TENM2: variants seen among roughly 807,000 people sequenced by gnomAD.
The protein encoded by TENM2 is teneurin transmembrane protein 2.
A neutral mutation model predicts 245.2 loss-of-function variants in TENM2; 52 were observed. The observed-to-expected ratio is 0.21, with a 90% CI of 0.17 to 0.27. The LOEUF (loss-of-function observed/expected upper bound fraction) is 0.27, where lower values mean the gene tolerates loss of function less well. Among genes scored for constraint, TENM2 ranks in the 10% least tolerant of loss-of-function variants. The pLI is 1.00. For synonymous variants in TENM2, 1,363 were observed against 1,438.9 expected (o/e 0.95, Z 1.19); for missense variants, 3,046 against 3,666.8 (o/e 0.83, Z 4.37).
intron 11 of TENM2, 67 bp from the exon 14 acceptor site, chr5:168,126,687 T>G: frequency 7.4e-7 from 1 of 1,356,766 alleles, no homozygotes; most frequent in Non-Finnish European, 1.0e-6. Flanking sequence ...GCCATGTGCG[T>G]GGTCTGGACT....
At position 167,385,856 on chromosome 5, in the gene TENM2, A is replaced by ATGTGTGTGTGTG. The variant is rs60407919; in HGVS notation, c.502+10417_502+10428dup. ...CTGAGTAGTATTCCATTATATATAT[A>ATGTGTGTGTGTG]TGTGTGTGTGTGTGTGTGTGTGTGT... On this transcript the variant is annotated intron_variant, in intron 2 of 28. Coordinates refer to ENST00000518659, the Ensembl canonical transcript of TENM2. 3.6e-5 allele frequency among the ~76,000 whole-genome samples: 5 copies of ATGTGTGTGTGTG among 139,148 alleles called. No individual in the cohort carries two copies. The South Asian group carries it at 7.3e-4, about 20-fold the overall frequency. The allele number at this position is 139,148 out of a possible 152,430, so 91.3% of individuals were successfully genotyped here.
intron 2 of TENM2, among the ~76,000 whole-genome samples, chr5:167,380,155 C>T (rs1344493712): frequency 1.3e-5 from 2 of 152,062 alleles, no homozygotes; most frequent in Non-Finnish European, 2.9e-5. Context: ...ATCTCCTTTA[C>T]ATTTTTCTAA....
chr5:167,071,596 T>C, the TENM2 span, among the ~76,000 whole-genome samples: 1 of 152,222 alleles, frequency 6.6e-6, no homozygotes, highest in Non-Finnish European at 1.5e-5. Context: ...CATTCTCATA[T>C]AATCATATAC....
chr5:167,088,714 T>C, the TENM2 span, among the ~76,000 whole-genome samples: 2 of 152,196 alleles, frequency 1.3e-5, no homozygotes, highest in African/African-American at 4.8e-5. Flanking sequence ...GAAAAGTAGC[T>C]AATACCAATA....
intron 2 of TENM2, among the ~76,000 whole-genome samples, chr5:167,723,048 A>T (rs1759742900): frequency 6.6e-6 from 1 of 152,284 alleles, no homozygotes; most frequent in Admixed American, 6.5e-5. Context: ...GTCTGTCATT[A>T]AATACACCTG....
the TENM2 span, among the ~76,000 whole-genome samples, chr5:167,186,936 A>G: frequency 1.3e-5 from 2 of 152,134 alleles, no homozygotes; most frequent in East Asian, 3.8e-4. Context: ...TTTCTGGGAG[A>G]ACTCACCTTA....
At chr5:167,244,269 A>C in the TENM2 span, among the ~76,000 whole-genome samples, 1 of 152,202 alleles carries the variant, frequency 6.6e-6, no homozygotes, top group Non-Finnish European at 1.5e-5. Flanking sequence ...GATAATAACT[A>C]TCATAATAGT....
intron 4 of TENM2, among the ~76,000 whole-genome samples, chr5:167,959,915 G>A (rs1293592025): frequency 1.3e-5 from 2 of 152,178 alleles, no homozygotes; most frequent in Admixed American, 6.5e-5. Context: ...TGATGGTGAT[G>A]CTATTCCTTT....
intron 2 of TENM2, among the ~76,000 whole-genome samples, chr5:167,606,653 G>A (rs956008609): frequency 2.0e-5 from 3 of 152,082 alleles, no homozygotes; most frequent in Admixed American, 6.6e-5. Context: ...AGTCATTTGG[G>A]AACTTTTAAT....
the TENM2 span, among the ~76,000 whole-genome samples, chr5:167,174,409 C>T: frequency 6.6e-6 from 1 of 152,136 alleles, no homozygotes; most frequent in African/African-American, 2.4e-5. Context: ...TTATTTCCCA[C>T]ATTGCTGTTT....
chr5:167,386,002 C>A (rs1167800940), intron 2 of TENM2, among the ~76,000 whole-genome samples: 1 of 151,740 alleles, frequency 6.6e-6, no homozygotes, highest in African/African-American at 2.4e-5. Context: ...GTGCAAGTAT[C>A]TTTTTCATAT....
intron 2 of TENM2, among the ~76,000 whole-genome samples, chr5:167,463,398 G>C (rs1166048787): frequency 1.3e-5 from 2 of 152,134 alleles, no homozygotes; most frequent in Non-Finnish European, 2.9e-5. Context: ...CCATAGAAGA[G>C]TATTTACCCC....
At chr5:167,872,530 AAG>A (rs1491267348) in intron 2 of TENM2, among the ~76,000 whole-genome samples, 563 of 51,252 alleles carry the variant, frequency 0.011, 8 homozygotes, top group African/African-American at 0.028. Flanking sequence ...GAAAGAAAGA[AAG>A]AAAGAAAGAA....
intron 13 of TENM2, among the ~76,000 whole-genome samples, chr5:168,189,782 A>G (rs1300456322): frequency 2.0e-5 from 3 of 152,076 alleles, no homozygotes; most frequent in Non-Finnish European, 2.9e-5. Context: ...AAAAAATTGT[A>G]TTTCTAATAG....
intron 8 of TENM2, among the ~76,000 whole-genome samples, chr5:168,094,399 T>C (rs1562150068): frequency 6.6e-6 from 1 of 152,030 alleles, no homozygotes; most frequent in Non-Finnish European, 1.5e-5. Flanking sequence ...AGAATGTCAA[T>C]TTCCACCAAA....
intron 2 of TENM2, among the ~76,000 whole-genome samples, chr5:167,570,428 G>T (rs909690155): frequency 6.6e-6 from 1 of 151,680 alleles, no homozygotes; most frequent in Non-Finnish European, 1.5e-5. Flanking sequence ...GTTTTCAATG[G>T]CTGTGTCACG....
At chr5:168,052,808 T>A (rs1369930078) in intron 6 of TENM2, among the ~76,000 whole-genome samples, 1 of 152,060 alleles carries the variant, frequency 6.6e-6, no homozygotes, top group Non-Finnish European at 1.5e-5. Flanking sequence ...GCACATTTCC[T>A]TCCTACCCTT....
intron 4 of TENM2, among the ~76,000 whole-genome samples, chr5:167,971,488 G>A (rs1781780767): frequency 6.6e-6 from 1 of 152,112 alleles, no homozygotes; most frequent in Admixed American, 6.5e-5. Context: ...ATCACTTGAG[G>A]TCAGGAGTTC....
intron 2 of TENM2, among the ~76,000 whole-genome samples, chr5:167,509,665 A>G (rs1022714895): frequency 1.3e-5 from 2 of 152,184 alleles, no homozygotes; most frequent in African/African-American, 2.4e-5. Context: ...ATTAGCGATA[A>G]TAGTAATAAG....
Sources: allele counts gnomAD v4.1 joint callset (sites outside exome capture counted in the v4.1 genomes callset), GRCh38; gene constraint gnomAD v4.1.1; transcripts MANE v1.5; gene names NCBI Gene and HGNC (gene_info 2026-07-23, HGNC 2026-07-21).